STXBP6: variants seen among roughly 807,000 people sequenced by gnomAD.
The protein encoded by STXBP6 is syntaxin binding protein 6.
Under a neutral mutation model 26.9 loss-of-function variants are expected in STXBP6, and 21 were observed. The ratio of observed to expected loss-of-function variants is 0.78; its 90% confidence interval spans 0.55 to 1.12. STXBP6 has a LOEUF of 1.12. Ranked by LOEUF, STXBP6 falls within the 50% of genes most tolerant of loss-of-function variation. The pLI is 0.00. For missense variants in STXBP6, 232 were observed against 257.9 expected (o/e 0.90, Z 0.69); for synonymous variants, 97 against 92.6 (o/e 1.05, Z -0.27).
At chr14:24,949,539 G>A (rs1239147458) in intron 2 of STXBP6, among the ~76,000 whole-genome samples, 1 of 152,186 alleles carries the variant, frequency 6.6e-6, no homozygotes, top group Non-Finnish European at 1.5e-5. Flanking sequence ...CACAGTGAGA[G>A]AGAGACGCAC....
chr14:24,834,752 G>A (rs1053053990), intron 4 of STXBP6, among the ~76,000 whole-genome samples: 1 of 152,132 alleles, frequency 6.6e-6, no homozygotes, highest in Non-Finnish European at 1.5e-5. Context: ...GAAAAGAAGA[G>A]TTTTAAGAGA....
In STXBP6 at chr14:25,049,467, A is replaced by T. The variant is rs1482273225; in HGVS notation, c.-33+411T>A. On this transcript the variant is annotated intron_variant, in intron 1 of 5. Coordinates refer to ENST00000323944, the MANE Select transcript of STXBP6 (RefSeq NM_001394410.1). This position sits in a 1 kb window ranked among gnomAD's most constrained non-coding sequence, Gnocchi z 5.6. ...ATTTCTGCGCTCAAGCTAGAGGCGC[A>T]GCGACCCCGAGCTCCCCCACACTGG... 1 of 985,072 alleles carries T rather than the reference A, an allele frequency of 1.0e-6. No homozygotes were observed. Among genetic ancestry groups the T allele is most frequent in the Admixed American group, 6.1e-5 (1 of 16,272 alleles). 61.0% of individuals were successfully genotyped at this position (985,072 alleles called of 1,614,324 possible). A position where few individuals can be genotyped will look rare whatever the true frequency, so the allele number is the denominator to read the frequency against.
intron 2 of STXBP6, among the ~76,000 whole-genome samples, chr14:24,883,177 G>A (rs2070437163): frequency 6.6e-6 from 1 of 152,136 alleles, no homozygotes; most frequent in Non-Finnish European, 1.5e-5. Context: ...CACACACATA[G>A]ATATGGTGTT....
intron 2 of STXBP6, among the ~76,000 whole-genome samples, chr14:24,966,302 G>A (rs78437313): frequency 0.042 from 6,398 of 151,886 alleles, 154 homozygotes; most frequent in Middle Eastern, 0.086. Context: ...TAAATCCTCC[G>A]AGATTAGCAC....
chr14:25,031,467 T>C (rs537534866), intron 1 of STXBP6, among the ~76,000 whole-genome samples: 2 of 152,318 alleles, frequency 1.3e-5, no homozygotes, highest in East Asian at 3.9e-4. Context: ...AGCCTTTTCC[T>C]GCTCAAAAAC....
intron 2 of STXBP6, among the ~76,000 whole-genome samples, chr14:24,934,482 C>T (rs1033633816): frequency 8.5e-5 from 13 of 152,058 alleles, no homozygotes; most frequent in Non-Finnish European, 1.6e-4. Flanking sequence ...CATGAAAGAA[C>T]GTAAGGACAA....
At chr14:25,019,943 C>T (rs1062230) in intron 1 of STXBP6, among the ~76,000 whole-genome samples, 46,964 of 148,030 alleles carry the variant, frequency 0.32, 8,873 homozygotes, top group African/African-American at 0.54. Context: ...TTCTGTCCAA[C>T]GATTTGCCAT....
chr14:24,939,951 A>G (rs1193107553), intron 2 of STXBP6, among the ~76,000 whole-genome samples: 1 of 152,230 alleles, frequency 6.6e-6, no homozygotes, highest in African/African-American at 2.4e-5. Context: ...ACTGAGTCCC[A>G]GTCCATATCC....
chr14:24,843,750 A>G (rs1260362688), intron 4 of STXBP6, among the ~76,000 whole-genome samples: 1 of 152,158 alleles, frequency 6.6e-6, no homozygotes, highest in Non-Finnish European at 1.5e-5. Context: ...ACATCATACC[A>G]CATCCTACCA....
intron 4 of STXBP6, among the ~76,000 whole-genome samples, chr14:24,827,748 T>C (rs1476853000): frequency 6.6e-6 from 1 of 152,206 alleles, no homozygotes; most frequent in Non-Finnish European, 1.5e-5. Context: ...CACTTTCTCA[T>C]TTCTATGCTT....
At position 24,987,970 on chromosome 14, in the gene STXBP6, A is replaced by G. The variant is rs910310540; in HGVS notation, c.-32-13120T>C. 5 of 784,784 alleles carry G rather than the reference A, an allele frequency of 6.4e-6. No homozygotes were observed. The African/African-American group carries it at 9.4e-5, about 15-fold the overall frequency. The allele number at this position is 784,784 out of a possible 1,614,324, so 48.6% of individuals were successfully genotyped here. ...AAGTACTTTCCCTCATGGAGCTTACATTCTAGTGGGGAAGAAGAACAATCA... is the reference window on the plus strand; with the variant it reads ...AAGTACTTTCCCTCATGGAGCTTACGTTCTAGTGGGGAAGAAGAACAATCA... On this transcript the variant is annotated intron_variant, in intron 1 of 5. Transcript: ENST00000323944.
At chr14:24,838,241 G>A (rs1027111325) in intron 4 of STXBP6, among the ~76,000 whole-genome samples, 7 of 152,092 alleles carry the variant, frequency 4.6e-5, no homozygotes, top group African/African-American at 1.7e-4. Flanking sequence ...GAATTCCTGG[G>A]CTCAAGCAAT....
chr14:24,948,757 G>A (rs1048705129), intron 2 of STXBP6, among the ~76,000 whole-genome samples: 3 of 152,140 alleles, frequency 2.0e-5, no homozygotes, highest in Non-Finnish European at 4.4e-5. Context: ...GGTAATAGAG[G>A]AAAATAGAAT....
At chr14:24,965,540 T>C (rs1338264188) in intron 2 of STXBP6, among the ~76,000 whole-genome samples, 4 of 152,100 alleles carry the variant, frequency 2.6e-5, no homozygotes, top group Admixed American at 2.0e-4. Flanking sequence ...GATGAGATAA[T>C]AGTATTGCTC....
At chr14:25,044,665 G>T (rs138868693) in intron 1 of STXBP6, among the ~76,000 whole-genome samples, 1 of 152,296 alleles carries the variant, frequency 6.6e-6, no homozygotes, top group East Asian at 1.9e-4. Flanking sequence ...GCCCAGGCTG[G>T]AGTGCAGTGG....
chr14:24,963,582 T>C (rs937523261), intron 2 of STXBP6, among the ~76,000 whole-genome samples: 3 of 152,186 alleles, frequency 2.0e-5, no homozygotes, highest in African/African-American at 7.2e-5. Context: ...GTTTCCATTT[T>C]TCTCTGGAAA....
intron 1 of STXBP6, among the ~76,000 whole-genome samples, chr14:25,045,559 A>T (rs1041307802): frequency 1.4e-5 from 1 of 72,598 alleles, no homozygotes; most frequent in African/African-American, 5.1e-5. Context: ...GTTACAGAAG[A>T]AAAAAAAACT....
intron 2 of STXBP6, among the ~76,000 whole-genome samples, chr14:24,895,899 G>A (rs1241585): frequency 0.34 from 51,116 of 151,762 alleles, 8,671 homozygotes; most frequent in African/African-American, 0.41. Flanking sequence ...AAACGAGATA[G>A]TTTATGTAAA....
At chr14:24,933,821 G>A (rs567308083) in intron 2 of STXBP6, among the ~76,000 whole-genome samples, 8 of 151,956 alleles carry the variant, frequency 5.3e-5, no homozygotes, top group Non-Finnish European at 7.4e-5. Context: ...CTTTTTTAAC[G>A]TAATTATTAA....
Sources: allele counts gnomAD v4.1 joint callset (sites outside exome capture counted in the v4.1 genomes callset), GRCh38; gene constraint gnomAD v4.1.1; non-coding constraint Gnocchi (gnomAD v3.1); transcripts MANE v1.5; gene names NCBI Gene and HGNC (gene_info 2026-07-23, HGNC 2026-07-21).